The following UBTD2 variants were observed in gnomAD, a reference collection of about 807,000 sequenced individuals.
The protein encoded by UBTD2 is ubiquitin domain containing 2.
A neutral mutation model predicts 19.8 loss-of-function variants in UBTD2; 9 were observed. The observed-to-expected ratio is 0.46, with a 90% CI of 0.27 to 0.79. UBTD2 has a LOEUF of 0.79. UBTD2 is among the 30% of genes least tolerant of loss of function. UBTD2 has a pLI of 0.14. For missense variants in UBTD2, 250 were observed against 300.4 expected, an observed-to-expected ratio of 0.83 and a Z score of 1.24; for synonymous variants, 98 against 103.9, an observed-to-expected ratio of 0.94 and a Z score of 0.35.
At chr5:172,272,541 TTTGATTATG>T (rs1192150368) in intron 1 of UBTD2, among the ~76,000 whole-genome samples, 1 of 152,178 alleles carries the variant, frequency 6.6e-6, no homozygotes, top group East Asian at 1.9e-4. Context: ...GTCCGGTTAA[TTTGATTATG>T]TTGCTTAAAC....
rs191555063 is a variant in UBTD2, at chr5:172,226,418, C to T, written c.307+7704G>A. On this transcript the variant is annotated intron_variant, in intron 2 of 2. Coordinates refer to ENST00000393792, the MANE Select transcript of UBTD2 (RefSeq NM_152277.3). ...TTTCCTCAAGAATTATAGTACCTCCCTTATGAGGTTGTTGTAAAGATTAAA... is the reference window on the plus strand; with the variant it reads ...TTTCCTCAAGAATTATAGTACCTCCTTTATGAGGTTGTTGTAAAGATTAAA... Among the ~76,000 whole-genome samples the T allele has an allele frequency of 4.9e-3, 749 of 151,768 alleles. 7 individuals are homozygous for T. Among genetic ancestry groups the T allele is most frequent in the African/African-American group, 0.017 (705 of 41,452 alleles).
chr5:172,276,274 T>A (rs963843465), intron 1 of UBTD2, among the ~76,000 whole-genome samples: 3 of 152,216 alleles, frequency 2.0e-5, no homozygotes, highest in Non-Finnish European at 4.4e-5. Flanking sequence ...ATTTAGTGAA[T>A]GATATTTAGC....
Position 172,210,594 on chromosome 5 carries a change from T to C in UBTD2, c.*1236A>G, listed in dbSNP as rs1771422593. ...ACTTGCAAAAGGCTCTTAATTTGCT[T>C]CTTTGCTACAAAAGATGAGGGAGGA... On this transcript the variant is annotated 3_prime_UTR_variant, in exon 3 of 3. Coordinates refer to ENST00000393792, the MANE Select transcript of UBTD2 (RefSeq NM_152277.3). 6.6e-6 allele frequency: 1 copy of C among 152,326 alleles called. No homozygotes were observed. Among genetic ancestry groups the C allele is most frequent in the African/African-American group, 2.4e-5 (1 of 41,564 alleles). 9.4% of individuals were successfully genotyped at this position (152,326 alleles called of 1,614,324 possible). A position where few individuals can be genotyped will look rare whatever the true frequency, so the allele number is the denominator to read the frequency against.
At chr5:172,264,063 T>C (rs1326270006) in intron 1 of UBTD2, among the ~76,000 whole-genome samples, 1 of 152,060 alleles carries the variant, frequency 6.6e-6, no homozygotes, top group Non-Finnish European at 1.5e-5. Flanking sequence ...TGAAATAAAA[T>C]TAGTCTTTGG....
intron 1 of UBTD2, among the ~76,000 whole-genome samples, chr5:172,280,945 T>C (rs1755702955): frequency 6.6e-6 from 1 of 152,208 alleles, no homozygotes; most frequent in Non-Finnish European, 1.5e-5. Context: ...AAGGAAAGTA[T>C]AGTATTTCAA....
intron 2 of UBTD2, among the ~76,000 whole-genome samples, chr5:172,224,010 A>G (rs904251428): frequency 3.3e-5 from 5 of 152,326 alleles, no homozygotes; most frequent in Admixed American, 3.3e-4. Flanking sequence ...ATGGAAGATG[A>G]GCCCAAGTTG....
chr5:172,282,623 CA>C (rs1390098405), intron 1 of UBTD2, among the ~76,000 whole-genome samples: 1 of 152,200 alleles, frequency 6.6e-6, no homozygotes, highest in Non-Finnish European at 1.5e-5. Context: ...CATTAGGTCA[CA>C]AATCAAACCA....
At chr5:172,273,660 T>C (rs1464709458) in intron 1 of UBTD2, among the ~76,000 whole-genome samples, 2 of 138,496 alleles carry the variant, frequency 1.4e-5, no homozygotes, top group Non-Finnish European at 3.1e-5. Context: ...TGATAGAAAA[T>C]TGAAAATGGA....
chr5:172,275,680 A>C (rs1359083383), intron 1 of UBTD2, among the ~76,000 whole-genome samples: 1 of 152,156 alleles, frequency 6.6e-6, no homozygotes, highest in African/African-American at 2.4e-5. Flanking sequence ...AACTCACCCC[A>C]GCTGATCCCA....
At chr5:172,256,992 T>G (rs573481603) in intron 1 of UBTD2, among the ~76,000 whole-genome samples, 27 of 152,340 alleles carry the variant, frequency 1.8e-4, no homozygotes, top group African/African-American at 6.3e-4. Flanking sequence ...TTTTTCTTCT[T>G]CTTCCAACTT....
At chr5:172,274,205 A>G (rs1037374118) in intron 1 of UBTD2, among the ~76,000 whole-genome samples, 15 of 146,710 alleles carry the variant, frequency 1.0e-4, no homozygotes, top group Non-Finnish European at 1.6e-4. Flanking sequence ...CAGTGGCACA[A>G]TCTCGGCTCA....
At chr5:172,246,743 C>T (rs1338655444) in intron 1 of UBTD2, among the ~76,000 whole-genome samples, 7 of 140,544 alleles carry the variant, frequency 5.0e-5, no homozygotes, top group African/African-American at 1.8e-4. Context: ...CACGCCCAGC[C>T]GAGATTGCTT....
intron 1 of UBTD2, among the ~76,000 whole-genome samples, chr5:172,272,450 T>C (rs1414050750): frequency 6.6e-6 from 1 of 152,126 alleles, no homozygotes; most frequent in Non-Finnish European, 1.5e-5. Flanking sequence ...GCAGGTGCAG[T>C]GGCCCCCCAA....
intron 2 of UBTD2, among the ~76,000 whole-genome samples, chr5:172,213,179 C>A (rs927608253): frequency 4.0e-5 from 6 of 151,866 alleles, no homozygotes; most frequent in African/African-American, 7.3e-5. Context: ...TTGGGAGAGA[C>A]AGGGTCTCAC....
chr5:172,227,773 T>C (rs1212629897), intron 2 of UBTD2, among the ~76,000 whole-genome samples: 4 of 141,066 alleles, frequency 2.8e-5, no homozygotes, highest in Non-Finnish European at 4.5e-5. Context: ...CTATGCCTCC[T>C]GGGTTCAAGC....
chr5:172,270,068 C>CTCTG (rs1755454149), intron 1 of UBTD2, among the ~76,000 whole-genome samples: 1 of 150,864 alleles, frequency 6.6e-6, no homozygotes, highest in South Asian at 2.1e-4. Flanking sequence ...CAGAGCAAGA[C>CTCTG]TCTGTCTCAA....
intron 1 of UBTD2, chr5:172,242,320 A>T (rs906383288): frequency 2.4e-5 from 23 of 953,290 alleles, no homozygotes; most frequent in Admixed American, 6.2e-5. Flanking sequence ...AAAATTTTTT[A>T]AAAAATTTAT....
At chr5:172,228,470 C>T (rs1354231254) in intron 2 of UBTD2, among the ~76,000 whole-genome samples, 3 of 152,120 alleles carry the variant, frequency 2.0e-5, no homozygotes, top group Non-Finnish European at 4.4e-5. Flanking sequence ...CTTGTAATCC[C>T]AGCACTTTGG....
chr5:172,219,519 G>T (rs753319014), intron 2 of UBTD2, among the ~76,000 whole-genome samples: 1 of 152,128 alleles, frequency 6.6e-6, no homozygotes, highest in Non-Finnish European at 1.5e-5. Context: ...TAGCCATCTT[G>T]GTTATCAGAT....
Sources: allele counts gnomAD v4.1 joint callset (sites outside exome capture counted in the v4.1 genomes callset), GRCh38; gene constraint gnomAD v4.1.1; transcripts MANE v1.5; gene names NCBI Gene and HGNC (gene_info 2026-07-23, HGNC 2026-07-21).